ARHGEF7: variants seen among roughly 807,000 people sequenced by gnomAD.
The protein encoded by ARHGEF7 is Rho guanine nucleotide exchange factor 7, also known as PAK-interacting exchange factor beta.
Under a neutral mutation model 109.8 loss-of-function variants are expected in ARHGEF7, and 33 were observed. The observed-to-expected ratio is 0.30, with a 90% CI of 0.23 to 0.40. The LOEUF (loss-of-function observed/expected upper bound fraction) is 0.40, where lower values mean the gene tolerates loss of function less well. Ranked by LOEUF, ARHGEF7 falls within the 10% of genes least tolerant of loss-of-function variation. The probability of loss-of-function intolerance (pLI) is 1.00; values close to 1 mark genes in which losing one functional copy is unlikely to be tolerated. For missense variants in ARHGEF7, 938 were observed against 1,098.5 expected (o/e 0.85, Z 2.07); for synonymous variants, 458 against 424.6 (o/e 1.08, Z -0.97).
At chr13:111,192,257 T>G (rs1280534648) in intron 2 of ARHGEF7, among the ~76,000 whole-genome samples, 1 of 152,102 alleles carries the variant, frequency 6.6e-6, no homozygotes, top group Non-Finnish European at 1.5e-5. Flanking sequence ...CCACCTTAAC[T>G]GCAGTGGGGG....
chr13:111,205,206 C>G lies in ARHGEF7; in HGVS notation c.253-83C>G, dbSNP rs568477054. The G allele has an allele frequency of 1.3e-5, 14 of 1,048,142 alleles. No individual in the cohort carries two copies. The African/African-American group carries it at 2.3e-4, about 17-fold the overall frequency. 64.9% of individuals were successfully genotyped at this position (1,048,142 alleles called of 1,614,324 possible). On this transcript the variant is annotated intron_variant, in intron 2 of 21. Coordinates refer to ENST00000646102, the MANE Select transcript of ARHGEF7 (RefSeq NM_001354046.2). ...CTCCTTAGGATTTCAGGCTGAGCAT[C>G]GTCGCGTTGCTGGGAGAACTTAGTT...
intron 9 of ARHGEF7, among the ~76,000 whole-genome samples, chr13:111,271,057 G>A (rs1567028029): frequency 6.6e-6 from 1 of 151,502 alleles, no homozygotes; most frequent in Non-Finnish European, 1.5e-5. Flanking sequence ...CTGTTCTGCC[G>A]GCAGTGATGG....
intron 2 of ARHGEF7, among the ~76,000 whole-genome samples, chr13:111,154,425 C>G (rs984643664): frequency 6.6e-6 from 1 of 152,178 alleles, no homozygotes; most frequent in Non-Finnish European, 1.5e-5. Flanking sequence ...AGCAGGTGAT[C>G]AGGCAAAGTC....
At chr13:111,186,995 G>A in intron 2 of ARHGEF7, 1 of 985,832 alleles carries the variant, frequency 1.0e-6, no homozygotes, top group Non-Finnish European at 1.2e-6. Flanking sequence ...TCTCGTGTCA[G>A]TACTGACGGG....
chr13:111,249,022 A>C (rs1486333826), intron 8 of ARHGEF7, among the ~76,000 whole-genome samples: 1 of 152,112 alleles, frequency 6.6e-6, no homozygotes, highest in Non-Finnish European at 1.5e-5. Context: ...CAGTCCACTT[A>C]TTTTAGACTC....
At chr13:111,293,729 T>G in intron 19 of ARHGEF7, 1 of 985,432 alleles carries the variant, frequency 1.0e-6, no homozygotes, top group Non-Finnish European at 1.2e-6. Context: ...TTTTTCCTTC[T>G]TCAGGGTGGC....
intron 2 of ARHGEF7, among the ~76,000 whole-genome samples, chr13:111,166,904 C>T (rs1303249617): frequency 6.6e-6 from 1 of 152,124 alleles, no homozygotes; most frequent in Admixed American, 6.5e-5. Context: ...GTGTCTTAAA[C>T]ACATATTGTG....
intron 6 of ARHGEF7, among the ~76,000 whole-genome samples, chr13:111,242,868 C>T (rs957131171): frequency 6.6e-6 from 1 of 152,230 alleles, no homozygotes; most frequent in Non-Finnish European, 1.5e-5. Flanking sequence ...AGTTCACATC[C>T]AGGTGCCTTC....
chr13:111,208,705 G>C (rs1350980589), intron 3 of ARHGEF7, among the ~76,000 whole-genome samples: 3 of 152,152 alleles, frequency 2.0e-5, no homozygotes, highest in African/African-American at 7.2e-5. Flanking sequence ...TTCTCAAGCA[G>C]AATGTGCTCT....
At chr13:111,118,695 A>T (rs1434156221) in intron 1 of ARHGEF7, among the ~76,000 whole-genome samples, 3 of 152,238 alleles carry the variant, frequency 2.0e-5, no homozygotes, top group African/African-American at 4.8e-5. Context: ...ATCAAGATAC[A>T]TGAATTGTAG....
At chr13:111,290,898 G>A (rs1463537547) in intron 18 of ARHGEF7, among the ~76,000 whole-genome samples, 1 of 152,186 alleles carries the variant, frequency 6.6e-6, no homozygotes, top group Non-Finnish European at 1.5e-5. Context: ...TCTGGAAATG[G>A]GATCATAGTG....
chr13:111,278,075 C>T (rs2092587695), intron 13 of ARHGEF7, among the ~76,000 whole-genome samples: 1 of 152,130 alleles, frequency 6.6e-6, no homozygotes. Context: ...GGCACGGCAC[C>T]GCCCAAATGC....
chr13:111,280,428 C>A, intron 14 of ARHGEF7, 78 bp downstream of exon 14: 1 of 1,581,508 alleles, frequency 6.3e-7, no homozygotes, highest in Non-Finnish European at 8.6e-7. Context: ...TTCTTGCTTG[C>A]GTATTTCAGA....
chr13:111,242,611 T>C (rs1230478079), intron 6 of ARHGEF7, among the ~76,000 whole-genome samples: 5 of 152,106 alleles, frequency 3.3e-5, no homozygotes, highest in Non-Finnish European at 4.4e-5. Context: ...CAGACTCGGG[T>C]GAAAAAGAAT....
intron 1 of ARHGEF7, among the ~76,000 whole-genome samples, chr13:111,122,944 G>T (rs995472548): frequency 2.0e-5 from 3 of 152,160 alleles, no homozygotes; most frequent in African/African-American, 7.2e-5. Flanking sequence ...GCCTGTGCTG[G>T]GAGGCGGCCC....
At chr13:111,280,397 C>T in intron 14 of ARHGEF7, 47 bp downstream of exon 14, 1 of 1,592,524 alleles carries the variant, frequency 6.3e-7, no homozygotes. Flanking sequence ...GGAGGAGAGG[C>T]AGCTTGTCCC....
intron 2 of ARHGEF7, among the ~76,000 whole-genome samples, chr13:111,169,089 G>A (rs1168019121): frequency 6.6e-6 from 1 of 152,192 alleles, no homozygotes; most frequent in Non-Finnish European, 1.5e-5. Flanking sequence ...TAAGTTTGGG[G>A]ATGCTTACTG....
intron 2 of ARHGEF7, among the ~76,000 whole-genome samples, chr13:111,200,804 C>T (rs180977126): frequency 1.2e-4 from 19 of 152,320 alleles, no homozygotes; most frequent in Admixed American, 3.3e-4. Context: ...CAGTGCAGGG[C>T]CCCTTCTGGC....
At chr13:111,153,704 C>T (rs1026293799) in intron 1 of ARHGEF7, 6 of 1,315,866 alleles carry the variant, frequency 4.6e-6, no homozygotes, top group Non-Finnish European at 5.8e-6. Context: ...TGGTGCAGCC[C>T]CGGAGGAAGA....
Sources: gnomAD v4.1 joint callset for allele counts (sites outside exome capture counted in the v4.1 genomes callset) on GRCh38, gnomAD v4.1.1 for gene constraint, MANE v1.5 for transcripts, NCBI Gene and HGNC (gene_info 2026-07-23, HGNC 2026-07-21) for gene names.